Variants in TMTC1 observed in about 807,000 individuals in gnomAD.
TMTC1 encodes the protein transmembrane O-mannosyltransferase targeting cadherins 1.
A neutral mutation model predicts 104.8 loss-of-function variants in TMTC1; 73 were observed. That is an observed-to-expected ratio of 0.70 (90% CI 0.58 to 0.85). TMTC1 has a LOEUF of 0.85. Ranked by LOEUF, TMTC1 falls within the 40% of genes least tolerant of loss-of-function variation. TMTC1 has a pLI of 0.00. For missense variants in TMTC1, 1,035 were observed against 1,096.1 expected (o/e 0.94, Z 0.79); for synonymous variants, 434 against 428.7 (o/e 1.01, Z -0.15).
intron 5 of TMTC1, among the ~76,000 whole-genome samples, chr12:29,704,208 G>A (rs1941679008): frequency 6.6e-6 from 1 of 151,952 alleles, no homozygotes; most frequent in African/African-American, 2.4e-5. Context: ...ATCTATTCTT[G>A]GTTTTCAAAA....
rs537708945 is a variant in TMTC1, at chr12:29,776,279, C to T, written c.302+7171G>A. Among the ~76,000 whole-genome samples the T allele has an allele frequency of 2.0e-5, 3 of 152,294 alleles. No homozygotes were observed. The South Asian group carries it at 6.2e-4, about 32-fold the overall frequency. Reference sequence around the variant, plus strand: ...CAAAAGCGCTACAGATCTTCATTCTCTACACAGAGTTACAGTTCCAGCAAG... The same window carrying T: ...CAAAAGCGCTACAGATCTTCATTCTTTACACAGAGTTACAGTTCCAGCAAG... On this transcript the variant is annotated intron_variant, in intron 1 of 17. Transcript: ENST00000539277.
chr12:29,583,659 A>G, intron 7 of TMTC1, 85 bp from the exon 8 acceptor site: 1 of 1,276,704 alleles, frequency 7.8e-7, no homozygotes, highest in Admixed American at 2.4e-5. Context: ...ACTAACTTTC[A>G]AATGAAGCTT....
intron 5 of TMTC1, among the ~76,000 whole-genome samples, chr12:29,674,752 G>A (rs1051717056): frequency 2.0e-5 from 3 of 152,274 alleles, no homozygotes; most frequent in East Asian, 3.9e-4. Flanking sequence ...AGAAGGGGGG[G>A]CCTTTTCCTA....
chr12:29,662,627 G>T (rs974846604), intron 5 of TMTC1, among the ~76,000 whole-genome samples: 12 of 88,478 alleles, frequency 1.4e-4, no homozygotes, highest in African/African-American at 4.2e-4. Flanking sequence ...TCCAGCTTGG[G>T]TGACAGTCCA....
At chr12:29,588,037 T>C (rs776162567) in intron 7 of TMTC1, among the ~76,000 whole-genome samples, 1 of 152,194 alleles carries the variant, frequency 6.6e-6, no homozygotes, top group Non-Finnish European at 1.5e-5. Context: ...GGAGCTCTCA[T>C]TTCTTTCTTC....
At chr12:29,627,705 A>C (rs1389601548) in intron 6 of TMTC1, among the ~76,000 whole-genome samples, 6 of 143,294 alleles carry the variant, frequency 4.2e-5, no homozygotes. Flanking sequence ...AAAAAAAAAA[A>C]CCATCGAAAG....
intron 1 of TMTC1, among the ~76,000 whole-genome samples, chr12:29,779,822 A>G (rs1943792692): frequency 1.3e-5 from 1 of 79,562 alleles, no homozygotes. Context: ...GAACTTCAAT[A>G]CTCAACATTT....
intron 5 of TMTC1, among the ~76,000 whole-genome samples, chr12:29,662,242 T>C (rs1484721024): frequency 6.6e-6 from 1 of 152,228 alleles, no homozygotes; most frequent in Admixed American, 6.5e-5. Context: ...AAAATTTGCA[T>C]TAAAATCTGC....
intron 9 of TMTC1, among the ~76,000 whole-genome samples, chr12:29,567,738 C>A (rs1171784892): frequency 6.6e-6 from 1 of 152,132 alleles, no homozygotes; most frequent in East Asian, 1.9e-4. Flanking sequence ...GTGTGAAGGA[C>A]TTTTTAAAAT....
intron 5 of TMTC1, among the ~76,000 whole-genome samples, chr12:29,665,948 C>T (rs991654950): frequency 2.6e-5 from 4 of 152,056 alleles, no homozygotes; most frequent in Non-Finnish European, 5.9e-5. Flanking sequence ...GATGCCCCCC[C>T]AACCCACCAC....
chr12:29,580,644 T>C (rs947089526), intron 8 of TMTC1, among the ~76,000 whole-genome samples: 1 of 152,148 alleles, frequency 6.6e-6, no homozygotes, highest in Non-Finnish European at 1.5e-5. Flanking sequence ...CATCACCATC[T>C]CTAGAATTAT....
chr12:29,525,158 CTTTTTTTTTTTTTTTTTTTTTTTT>C (rs56395403), intron 11 of TMTC1, among the ~76,000 whole-genome samples: 19 of 46,160 alleles, frequency 4.1e-4, no homozygotes, highest in East Asian at 1.4e-3. Context: ...CAAGGGCAGT[CTTTTTTTTTTTTTTTTTTTTTTTT>C]TTTTTTTTTT....
chr12:29,572,138 T>C lies in TMTC1; in HGVS notation c.1499A>G (p.Lys500Arg), dbSNP rs1315760209. 6.2e-7 allele frequency: 1 copy of C among 1,613,998 alleles called. No individual in the cohort carries two copies. The highest frequency in any genetic ancestry group is 8.5e-7 in the Non-Finnish European group (1 of 1,179,870). The stretch of plus-strand genomic sequence containing the variant: ...TGTTCTGTAGTGGTAGATCGCTTCC[T>C]TGTTCCGACCTTGGTCCTTCAGGAA... ...ANFLKDQGRNKEAIYHYRTAL... is the reference protein window; with the variant it reads ...ANFLKDQGRNREAIYHYRTAL... The change falls in exon 9 of 18, where the codon AAG (lysine) becomes AGG (arginine). Residue 500 changes from lysine (K) to arginine (R), a missense_variant. Lys to Arg is a conservative substitution (Grantham distance 26). Coordinates refer to ENST00000539277, the MANE Select transcript of TMTC1 (RefSeq NM_001193451.2).
chr12:29,612,258 G>A (rs1946864814), intron 6 of TMTC1, among the ~76,000 whole-genome samples: 1 of 152,014 alleles, frequency 6.6e-6, no homozygotes, highest in Admixed American at 6.6e-5. Flanking sequence ...GGGTGCTATT[G>A]GTTTACTTTG....
intron 8 of TMTC1, among the ~76,000 whole-genome samples, chr12:29,579,014 C>A (rs1270302381): frequency 6.6e-6 from 1 of 152,132 alleles, no homozygotes; most frequent in East Asian, 1.9e-4. Context: ...GGTAGTATTA[C>A]GCTGCCTCCC....
intron 5 of TMTC1, among the ~76,000 whole-genome samples, chr12:29,637,099 C>A (rs1428262076): frequency 6.8e-5 from 10 of 147,652 alleles, no homozygotes; most frequent in Non-Finnish European, 1.2e-4. Context: ...CACACACACA[C>A]ACACACACAC....
chr12:29,621,272 T>C (rs1937658351), intron 6 of TMTC1, among the ~76,000 whole-genome samples: 2 of 152,248 alleles, frequency 1.3e-5, no homozygotes, highest in Admixed American at 6.5e-5. Flanking sequence ...TTATAACTGC[T>C]ATTCTGGAAT....
chr12:29,692,364 C>T (rs1941291781), intron 5 of TMTC1, among the ~76,000 whole-genome samples: 1 of 142,796 alleles, frequency 7.0e-6, no homozygotes, highest in African/African-American at 2.6e-5. Flanking sequence ...CACAATTGTG[C>T]TCTGAGGGCC....
intron 5 of TMTC1, among the ~76,000 whole-genome samples, chr12:29,648,522 A>G (rs1246937633): frequency 1.3e-5 from 2 of 152,150 alleles, no homozygotes; most frequent in Non-Finnish European, 2.9e-5. Context: ...ACAACACAGC[A>G]GATTGGAAGA....
Sources: gnomAD v4.1 joint callset for allele counts (sites outside exome capture counted in the v4.1 genomes callset) on GRCh38, gnomAD v4.1.1 for gene constraint, MANE v1.5 for transcripts, NCBI Gene and HGNC (gene_info 2026-07-23, HGNC 2026-07-21) for gene names.